MYOZ2: variants seen among roughly 807,000 people sequenced by gnomAD.
MYOZ2 encodes the protein myozenin 2, also known as myozenin-2.
MYOZ2 carries 19 observed loss-of-function variants against 25.4 expected under a neutral mutation model. The ratio of observed to expected loss-of-function variants is 0.75; its 90% CI spans 0.52 to 1.10. The LOEUF is 1.10. Among genes scored for constraint, MYOZ2 ranks in the 50% least tolerant of loss-of-function variants. The pLI, the probability that MYOZ2 is intolerant of heterozygous loss-of-function variation, is 0.00. For synonymous variants in MYOZ2, 92 were observed against 106.9 expected, an observed-to-expected ratio of 0.86 and a Z score of 0.86; for missense variants, 270 against 317.9, an observed-to-expected ratio of 0.85 and a Z score of 1.15.
chr4:119,171,639 C>T (rs1156418705), intron 5 of MYOZ2, among the ~76,000 whole-genome samples: 1 of 150,866 alleles, frequency 6.6e-6, no homozygotes, highest in South Asian at 2.1e-4. Context: ...TATCAAACTA[C>T]TCAAAATTAT....
rs1195587065 is a variant in MYOZ2, at chr4:119,164,207, A to G, written c.377-4A>G. ...TTACTTACTTTTGCTATATTTTTCC[A>G]AAGGATATTCTGGACCACTGAAGGA... On this transcript the variant is annotated splice_region_variant and splice_polypyrimidine_tract_variant and intron_variant, in intron 4 of 5. Coordinates refer to ENST00000307128, the MANE Select transcript of MYOZ2 (RefSeq NM_016599.5). 1 of 1,613,562 alleles carries G rather than the reference A, an allele frequency of 6.2e-7. No homozygotes were observed. The highest frequency in any genetic ancestry group is 8.5e-7 in the Non-Finnish European group (1 of 1,179,516).
chr4:119,177,020 C>T (rs1742088951), intron 5 of MYOZ2, among the ~76,000 whole-genome samples: 1 of 152,280 alleles, frequency 6.6e-6, no homozygotes, highest in South Asian at 2.1e-4. Flanking sequence ...GAGATTGTGC[C>T]ATTGCACTCC....
chr4:119,152,933 A>G (rs1470261960), intron 3 of MYOZ2, among the ~76,000 whole-genome samples: 2 of 152,108 alleles, frequency 1.3e-5, no homozygotes, highest in African/African-American at 2.4e-5. Context: ...TCAGAATCCT[A>G]GAGTTCTTGG....
chr4:119,181,622 T>C (rs1742185636), intron 5 of MYOZ2, among the ~76,000 whole-genome samples: 1 of 152,202 alleles, frequency 6.6e-6, no homozygotes, highest in African/African-American at 2.4e-5. Context: ...TTGGTTTCCT[T>C]AGATGGATAA....
At chr4:119,167,806 G>A (rs1741856490) in intron 5 of MYOZ2, among the ~76,000 whole-genome samples, 1 of 152,240 alleles carries the variant, frequency 6.6e-6, no homozygotes, top group African/African-American at 2.4e-5. Flanking sequence ...GAAAAGCAAA[G>A]CCTGAATGAC....
chr4:119,145,284 C>T (rs12513017), intron 2 of MYOZ2, among the ~76,000 whole-genome samples: 2 of 149,616 alleles, frequency 1.3e-5, no homozygotes, highest in African/African-American at 5.0e-5. Context: ...TTTGCTTCTA[C>T]GTGTATGTGG....
rs1741432715 is a variant in MYOZ2 at position 119,150,891 on chromosome 4, G to T, written c.96G>T (p.Leu32=). 6.2e-7 allele frequency: 1 copy of T among 1,613,852 alleles called. No individual in the cohort carries two copies. Among genetic ancestry groups the T allele is most frequent in the East Asian group, 2.2e-5 (1 of 44,844 alleles). Residue 32 remains leucine, a synonymous_variant, in exon 3 of 6, where the codon CTG becomes CTT. Transcript: ENST00000307128. ...TTACAGATGTTGATGGCATGGACCT[G>T]GGCAAAAAGGTCAGCATCCCCAGAG... ...VHGNDVDGMD[L]GKKVSIPRDI... is the part of the protein sequence containing the mutation.
chr4:119,160,093 G>T (rs1438732324), intron 4 of MYOZ2, among the ~76,000 whole-genome samples: 1 of 151,964 alleles, frequency 6.6e-6, no homozygotes, highest in African/African-American at 2.4e-5. Context: ...ACATCTCTTT[G>T]GGCCCTAGTT....
chr4:119,152,352 AG>A (rs1307228481), intron 3 of MYOZ2, among the ~76,000 whole-genome samples: 2 of 152,120 alleles, frequency 1.3e-5, no homozygotes, highest in African/African-American at 2.4e-5. Flanking sequence ...TAATGACAAT[AG>A]AGAAGGCTCT....
intron 3 of MYOZ2, among the ~76,000 whole-genome samples, chr4:119,154,665 G>A (rs1741529470): frequency 6.6e-6 from 1 of 152,008 alleles, no homozygotes; most frequent in African/African-American, 2.4e-5. Flanking sequence ...TACTCTTTGT[G>A]CATTATACAT....
chr4:119,168,119 C>T (rs543461320), intron 5 of MYOZ2, among the ~76,000 whole-genome samples: 9 of 152,266 alleles, frequency 5.9e-5, no homozygotes, highest in African/African-American at 2.2e-4. Context: ...ACTACAGGTG[C>T]CTGCCATCAT....
chr4:119,151,980 C>T (rs752511173), intron 3 of MYOZ2, among the ~76,000 whole-genome samples: 4 of 152,132 alleles, frequency 2.6e-5, no homozygotes, highest in Non-Finnish European at 5.9e-5. Flanking sequence ...ATTACTAAAA[C>T]ACACTATAGA....
Position 119,158,117 on chromosome 4 carries a change from A to G in MYOZ2, c.342A>G (p.Pro114=), listed in dbSNP as rs759406576. The change falls in exon 4 of 6, where the codon CCA becomes CCG. Residue 114 remains proline, a synonymous_variant. Coordinates refer to ENST00000307128, the MANE Select transcript of MYOZ2 (RefSeq NM_016599.5). The stretch of plus-strand genomic sequence containing the variant: ...TGACTCCTCCCAACACCCCAGATCC[A>G]CGAAGCCCTCCAAATCCAGACAACA... ...APLTPPNTPD[P]RSPPNPDNIA... 1 of 1,614,096 alleles carries G rather than the reference A, an allele frequency of 6.2e-7. No individual in the cohort carries two copies. Among genetic ancestry groups the G allele is most frequent in the South Asian group, 1.1e-5 (1 of 91,080 alleles).
rs1275344229 is a variant in MYOZ2 at position 119,186,256 on chromosome 4, A to G, written c.*56A>G. ...TGAATATAAAAGTTGCTGTTCTACT[A>G]TTTTAACTACTGGCAAAGCCACTTG... On this transcript the variant is annotated 3_prime_UTR_variant, in exon 6 of 6. Transcript: ENST00000307128. 58 of 1,437,052 alleles carry G rather than the reference A, an allele frequency of 4.0e-5. No individual in the cohort carries two copies. Among genetic ancestry groups the G allele is most frequent in the Non-Finnish European group, 5.5e-5 (57 of 1,029,310 alleles). 89.0% of individuals were successfully genotyped at this position (1,437,052 alleles called of 1,614,324 possible). A position where few individuals can be genotyped will look rare whatever the true frequency, so the allele number is the denominator to read the frequency against.
At chr4:119,155,925 G>T (rs1250180157) in intron 3 of MYOZ2, among the ~76,000 whole-genome samples, 4 of 152,078 alleles carry the variant, frequency 2.6e-5, no homozygotes, top group African/African-American at 9.7e-5. Flanking sequence ...AATCAGCTGG[G>T]TTTGGCTATT....
At chr4:119,136,706 G>A in intron 2 of MYOZ2, 105 bp downstream of exon 2, 1 of 1,244,130 alleles carries the variant, frequency 8.0e-7, no homozygotes, top group Non-Finnish European at 1.2e-6. Flanking sequence ...GATTCTTGCT[G>A]TTCTGTCATA....
chr4:119,164,838 A>G (rs1405030670), intron 5 of MYOZ2, among the ~76,000 whole-genome samples: 1 of 152,038 alleles, frequency 6.6e-6, no homozygotes. Context: ...GGACAGATTA[A>G]AAGTAATTTA....
chr4:119,157,963 C>T, intron 3 of MYOZ2, 59 bp from the exon 4 acceptor site: 1 of 1,588,418 alleles, frequency 6.3e-7, no homozygotes, highest in South Asian at 1.1e-5. Context: ...ATATATAGCT[C>T]CTATTATTGT....
intron 5 of MYOZ2, among the ~76,000 whole-genome samples, chr4:119,181,792 G>A (rs1318173971): frequency 2.0e-5 from 3 of 151,962 alleles, no homozygotes; most frequent in African/African-American, 7.3e-5. Flanking sequence ...ACAACTATAA[G>A]TTACATACAT....
Sources: allele counts gnomAD v4.1 joint callset (sites outside exome capture counted in the v4.1 genomes callset), GRCh38; gene constraint gnomAD v4.1.1; transcripts MANE v1.5; gene names NCBI Gene and HGNC (gene_info 2026-07-23, HGNC 2026-07-21).